CNTN5: variants seen among roughly 807,000 people sequenced by gnomAD.
CNTN5 encodes the protein contactin 5.
CNTN5 carries 77 observed loss-of-function variants against 129.1 expected under a neutral mutation model. The observed-to-expected ratio is 0.60, with a 90% CI of 0.50 to 0.72. The LOEUF (loss-of-function observed/expected upper bound fraction) is 0.72. Among genes scored for constraint, CNTN5 ranks in the 30% least tolerant of loss-of-function variants. The pLI, the probability that CNTN5 is intolerant of heterozygous loss-of-function variation, is 0.00. For synonymous variants in CNTN5, 509 were observed against 465.6 expected (o/e 1.09, Z -1.20); for missense variants, 1,478 against 1,328.8 (o/e 1.11, Z -1.75).
intron 1 of CNTN5, among the ~76,000 whole-genome samples, chr11:99,244,541 C>A (rs1265483115): frequency 6.6e-6 from 1 of 152,062 alleles, no homozygotes; most frequent in South Asian, 2.1e-4. Flanking sequence ...TGTAATAACT[C>A]TTTCTATTCT....
chr11:100,023,750 C>A (rs1009214549), intron 9 of CNTN5, among the ~76,000 whole-genome samples: 1 of 152,112 alleles, frequency 6.6e-6, no homozygotes, highest in Non-Finnish European at 1.5e-5. Context: ...ATGACTGAAA[C>A]CATAAAATAT....
chr11:99,040,117 T>A (rs1002045669), intron 1 of CNTN5, among the ~76,000 whole-genome samples: 2 of 152,080 alleles, frequency 1.3e-5, no homozygotes, highest in Non-Finnish European at 2.9e-5. Flanking sequence ...TTGGACTATT[T>A]TGCCAAGGTA....
At chr11:99,050,758 TC>T (rs76396759) in intron 1 of CNTN5, among the ~76,000 whole-genome samples, 44,589 of 151,560 alleles carry the variant, frequency 0.29, 7,197 homozygotes, top group East Asian at 0.56. Flanking sequence ...TTCATTTTTT[TC>T]CTCAACAAAT....
At chr11:99,613,550 C>T (rs931558896) in intron 3 of CNTN5, among the ~76,000 whole-genome samples, 8 of 152,056 alleles carry the variant, frequency 5.3e-5, no homozygotes, top group African/African-American at 1.9e-4. Flanking sequence ...AGAATAAAAT[C>T]AGGCAAGAAG....
At chr11:100,335,026 A>T (rs1274436828) in intron 21 of CNTN5, among the ~76,000 whole-genome samples, 5 of 150,788 alleles carry the variant, frequency 3.3e-5, no homozygotes, top group Admixed American at 1.3e-4. Flanking sequence ...GTTGTTGTAC[A>T]TTCATCCATT....
intron 2 of CNTN5, among the ~76,000 whole-genome samples, chr11:99,468,242 TAC>T (rs1405968434): frequency 1.5e-4 from 23 of 152,284 alleles, no homozygotes; most frequent in African/African-American, 5.3e-4. Flanking sequence ...CTGATAAGTA[TAC>T]ATGTCTCCAT....
At chr11:100,191,307 A>C (rs1380366140) in intron 14 of CNTN5, 54 bp downstream of exon 14, 1 of 1,492,150 alleles carries the variant, frequency 6.7e-7, no homozygotes, top group Non-Finnish European at 9.1e-7. Context: ...TCTTATCGGA[A>C]AGAGAATAAA....
intron 1 of CNTN5, among the ~76,000 whole-genome samples, chr11:99,289,925 A>G (rs184726340): frequency 2.6e-5 from 4 of 151,950 alleles, no homozygotes; most frequent in Admixed American, 2.6e-4. Context: ...GCATGATTAT[A>G]GTCTCCTCGT....
At chr11:99,732,960 A>T (rs1219369432) in intron 3 of CNTN5, among the ~76,000 whole-genome samples, 1 of 152,192 alleles carries the variant, frequency 6.6e-6, no homozygotes, top group Non-Finnish European at 1.5e-5. Context: ...AGGCATAAAA[A>T]AAGCAGAGGG....
At position 99,500,034 on chromosome 11, in the gene CNTN5, T is replaced by C. The variant is rs866481557; in HGVS notation, c.-70-56111T>C. Among the ~76,000 whole-genome samples the C allele has an allele frequency of 1.7e-4, 26 of 152,198 alleles. 1 individual carries two copies. In the Middle Eastern group the frequency reaches 0.01, roughly 60 times the overall value. On this transcript the variant is annotated intron_variant, in intron 2 of 24. Transcript: ENST00000524871. ...GTTTCAAATATTTCACCATGTTGAGTTCTGGGTTGTAGCTTCCAATGAAAT... is the reference window on the plus strand; with the variant it reads ...GTTTCAAATATTTCACCATGTTGAGCTCTGGGTTGTAGCTTCCAATGAAAT...
intron 7 of CNTN5, among the ~76,000 whole-genome samples, chr11:99,951,315 T>C (rs985175714): frequency 2.0e-5 from 3 of 152,020 alleles, no homozygotes; most frequent in African/African-American, 4.8e-5. Context: ...TAAACTCTTA[T>C]GCTAATTTTT....
intron 3 of CNTN5, among the ~76,000 whole-genome samples, chr11:99,763,466 TTAA>T (rs1944654545): frequency 6.6e-6 from 1 of 152,116 alleles, no homozygotes; most frequent in South Asian, 2.1e-4. Flanking sequence ...TGCTGATAAA[TTAA>T]TAATTTTATT....
intron 1 of CNTN5, among the ~76,000 whole-genome samples, chr11:99,117,637 T>A (rs566085960): frequency 6.6e-6 from 1 of 152,258 alleles, no homozygotes; most frequent in South Asian, 2.1e-4. Context: ...TAACACCCAA[T>A]GTATTGGTAT....
intron 9 of CNTN5, among the ~76,000 whole-genome samples, chr11:100,005,872 G>A (rs1156334190): frequency 1.3e-5 from 2 of 152,076 alleles, no homozygotes; most frequent in Non-Finnish European, 2.9e-5. Flanking sequence ...AACTTTACCT[G>A]TTCCCAGCCT....
chr11:99,857,891 T>C (rs1948088889), intron 6 of CNTN5, among the ~76,000 whole-genome samples: 2 of 152,190 alleles, frequency 1.3e-5, no homozygotes, highest in African/African-American at 4.8e-5. Flanking sequence ...CATTGGGTTG[T>C]AAACTTAGGA....
chr11:99,050,543 C>G (rs1005917354), intron 1 of CNTN5, among the ~76,000 whole-genome samples: 1 of 151,528 alleles, frequency 6.6e-6, no homozygotes, highest in Non-Finnish European at 1.5e-5. Flanking sequence ...ATAAAGATTT[C>G]TTTTTAAATT....
At chr11:99,493,910 T>C (rs1591159594) in intron 2 of CNTN5, among the ~76,000 whole-genome samples, 1 of 152,218 alleles carries the variant, frequency 6.6e-6, no homozygotes, top group Non-Finnish European at 1.5e-5. Context: ...AAGCAATCTA[T>C]ATAGTCATGT....
chr11:99,025,428 C>A (rs4754576), intron 1 of CNTN5, among the ~76,000 whole-genome samples: 12,977 of 151,734 alleles, frequency 0.086, 1,010 homozygotes, highest in East Asian at 0.23. Flanking sequence ...TTATGAAGGG[C>A]GTAGAGATGT....
At position 99,821,522 on chromosome 11, in the gene CNTN5, A is replaced by AT. The variant is rs879425186; in HGVS notation, c.277+1767dup. ...AACTCTCTGACACTTTGATTAGACA[A>AT]TTTTTTTTTTCTGGAAGATCATCAT... On this transcript the variant is annotated intron_variant, in intron 4 of 24. Coordinates refer to ENST00000524871, the MANE Select transcript of CNTN5 (RefSeq NM_014361.4). 7.9e-4 allele frequency among the ~76,000 whole-genome samples: 118 copies of AT among 150,208 alleles called. 2 individuals are homozygous for AT. The highest frequency in any genetic ancestry group is 6.6e-3 in the East Asian group (34 of 5,140).
Sources: allele counts gnomAD v4.1 joint callset (sites outside exome capture counted in the v4.1 genomes callset), GRCh38; gene constraint gnomAD v4.1.1; transcripts MANE v1.5; gene names NCBI Gene and HGNC (gene_info 2026-07-23, HGNC 2026-07-21).